NOTCH2: variants seen among roughly 807,000 people sequenced by gnomAD.
The protein encoded by NOTCH2 is neurogenic locus notch homolog protein 2.
Under a neutral mutation model 235.8 loss-of-function variants are expected in NOTCH2, and 29 were observed. The ratio of observed to expected loss-of-function variants is 0.12; its 90% CI spans 0.09 to 0.17. The LOEUF (loss-of-function observed/expected upper bound fraction) is 0.17. Ranked by LOEUF, NOTCH2 falls within the 10% of genes least tolerant of loss-of-function variation. The pLI is 1.00. For missense variants in NOTCH2, 2,285 were observed against 3,150.2 expected (o/e 0.73, Z 6.57); for synonymous variants, 1,086 against 1,141.5 (o/e 0.95, Z 0.98).
chr1:119,988,528 T>C (rs1396282723), intron 4 of NOTCH2, among the ~76,000 whole-genome samples: 2 of 152,040 alleles, frequency 1.3e-5, no homozygotes, highest in Non-Finnish European at 2.9e-5. Context: ...GAAATATGAG[T>C]CTTACAAATA....
intron 2 of NOTCH2, among the ~76,000 whole-genome samples, chr1:120,011,649 T>C (rs587771679): frequency 3.3e-4 from 50 of 152,222 alleles, no homozygotes; most frequent in Non-Finnish European, 6.6e-4. Context: ...TATTGTCTCT[T>C]GTATTACTCG....
intron 21 of NOTCH2, 55 bp downstream of exon 21, chr1:119,937,223 TCAAA>T: frequency 2.9e-5 from 45 of 1,542,420 alleles, no homozygotes; most frequent in Non-Finnish European, 3.9e-5. Flanking sequence ...ATATCAGTGC[TCAAA>T]CAGTTGTACA....
chr1:119,997,412 C>T lies in NOTCH2; in HGVS notation c.416-80G>A, dbSNP rs587637636. The T allele has an allele frequency of 1.7e-4, 220 of 1,283,576 alleles. 1 individual carries two copies. The East Asian group carries it at 1.8e-3, about 11-fold the overall frequency. 79.5% of individuals were successfully genotyped at this position (1,283,576 alleles called of 1,614,324 possible). A position where few individuals can be genotyped will look rare whatever the true frequency, so the allele number is the denominator to read the frequency against. On this transcript the variant is annotated intron_variant, in intron 3 of 33. Transcript: ENST00000256646. ...ATCCTCAATACCTCATTGACATCAG[C>T]GAGCTCTTGCGTGGAGAAGACCTCA...
rs761189725 is a variant in NOTCH2, at chr1:119,918,530, A to G, written c.5805T>C (p.Thr1935=). The change falls in exon 32 of 34, where the codon ACT becomes ACC. Residue 1935 remains threonine, a synonymous_variant. Coordinates refer to ENST00000256646, the MANE Select transcript of NOTCH2 (RefSeq NM_024408.4). ...VFQILIRNRV[T]DLDARMNDGT... ...CATCATTCATCCTGGCATCTAGATC[A>G]GTTACTCGGTTGCGAATCAGAATCT... 1 of 1,614,158 alleles carries G rather than the reference A, an allele frequency of 6.2e-7. No individual in the cohort carries two copies. The highest frequency in any genetic ancestry group is 2.2e-5 in the East Asian group (1 of 44,880).
intron 1 of NOTCH2, among the ~76,000 whole-genome samples, chr1:120,062,611 T>C (rs1460423214): frequency 1.1e-5 from 1 of 89,616 alleles, no homozygotes; most frequent in Non-Finnish European, 2.0e-5. Context: ...TGATGTCAGC[T>C]CCTTGGGAGC....
intron 22 of NOTCH2, among the ~76,000 whole-genome samples, chr1:119,931,504 A>G (rs1332739461): frequency 6.6e-6 from 1 of 152,178 alleles, no homozygotes; most frequent in African/African-American, 2.4e-5. Flanking sequence ...ATGTGAAAAA[A>G]AATAACCAGG....
At chr1:120,023,950 T>C (rs1244128364) in intron 2 of NOTCH2, among the ~76,000 whole-genome samples, 3 of 152,096 alleles carry the variant, frequency 2.0e-5, no homozygotes, top group Non-Finnish European at 4.4e-5. Context: ...TACTCATAAA[T>C]AGCATGCAAT....
chr1:120,010,809 C>T (rs1553206835), intron 2 of NOTCH2, among the ~76,000 whole-genome samples: 3 of 152,140 alleles, frequency 2.0e-5, no homozygotes, highest in African/African-American at 7.2e-5. Flanking sequence ...AAAACATATG[C>T]CCAGATAATA....
intron 2 of NOTCH2, among the ~76,000 whole-genome samples, chr1:120,011,476 T>C (rs61787048): frequency 5.9e-5 from 9 of 152,354 alleles, no homozygotes; most frequent in East Asian, 1.9e-4. Flanking sequence ...TATTTCCAGG[T>C]TTCTTCACCT....
At chr1:119,985,732 C>T (rs1289265540) in intron 5 of NOTCH2, among the ~76,000 whole-genome samples, 10 of 152,026 alleles carry the variant, frequency 6.6e-5, no homozygotes, top group African/African-American at 2.4e-4. Context: ...ATTAACTTTA[C>T]AGTAATTTTT....
chr1:119,913,356 C>A lies in NOTCH2; in HGVS notation c.*1950G>T, dbSNP rs1648954591. ...CACGCAGGGTTTCCATATGGGGCCA[C>A]CGACAGACAAATCAGGTAAGTGGGA... On this transcript the variant is annotated 3_prime_UTR_variant, in exon 34 of 34. Transcript: ENST00000256646. 1 of 233,074 alleles carries A rather than the reference C, an allele frequency of 4.3e-6. No homozygotes were observed. The highest frequency in any genetic ancestry group is 8.5e-6 in the Non-Finnish European group (1 of 118,060). 14.4% of individuals were successfully genotyped at this position (233,074 alleles called of 1,614,324 possible). A position where few individuals can be genotyped will look rare whatever the true frequency, so the allele number is the denominator to read the frequency against.
intron 12 of NOTCH2, among the ~76,000 whole-genome samples, chr1:119,958,081 C>T (rs1650777926): frequency 6.6e-6 from 1 of 152,142 alleles, no homozygotes; most frequent in African/African-American, 2.4e-5. Context: ...ATTAGTTCTT[C>T]ATAAATGTTA....
chr1:119,922,371 A>G lies in NOTCH2; in HGVS notation c.5078T>C (p.Ile1693Thr). Residue 1693 changes from isoleucine (I) to threonine (T), a missense_variant, in exon 28 of 34, where the codon ATT (isoleucine) becomes ACT (threonine). Ile to Thr is a moderately conservative substitution (Grantham distance 89, BLOSUM62 -1). Around this residue, in one of 6 missense-constraint regions of NOTCH2, gnomAD observed 1,173 missense variants for 1,515.3 expected, o/e 0.77. Transcript: ENST00000256646. ...TTTTGCCATGATTACCCCCAGCAGA[A>G]TAATAAACAGAATGATGACAACAGC... is the stretch of plus-strand genomic sequence containing the variant. The part of the protein sequence containing the change: ...AVAVVIILFI[I>T]LLGVIMAKRK... 1 of 1,614,204 alleles carries G rather than the reference A, an allele frequency of 6.2e-7. No homozygotes were observed. The highest frequency in any genetic ancestry group is 8.5e-7 in the Non-Finnish European group (1 of 1,180,026).
chr1:119,911,757 A>G lies in NOTCH2; in HGVS notation c.*3549T>C. The G allele has an allele frequency of 4.3e-6, 1 of 233,298 alleles. No homozygotes were observed. Among genetic ancestry groups the G allele is most frequent in the Non-Finnish European group, 8.5e-6 (1 of 118,048 alleles). The allele number at this position is 233,298 out of a possible 1,614,324, so 14.5% of individuals were successfully genotyped here. A position where few individuals can be genotyped will look rare whatever the true frequency, so the allele number is the denominator to read the frequency against. Reference sequence around the variant, plus strand: ...CCAGTTCCCAATTCTTGCTATAGCAACTACTTCGCATTTCCATTGGAAGGC... The same window carrying G: ...CCAGTTCCCAATTCTTGCTATAGCAGCTACTTCGCATTTCCATTGGAAGGC... On this transcript the variant is annotated 3_prime_UTR_variant, in exon 34 of 34. Coordinates refer to ENST00000256646, the MANE Select transcript of NOTCH2 (RefSeq NM_024408.4).
chr1:119,934,484 T>A (rs1408911569), intron 22 of NOTCH2, among the ~76,000 whole-genome samples: 1 of 152,180 alleles, frequency 6.6e-6, no homozygotes, highest in Non-Finnish European at 1.5e-5. Flanking sequence ...ATTTCTAGAA[T>A]AAAGAACAAT....
chr1:120,003,980 A>G (rs1336844762), intron 3 of NOTCH2, among the ~76,000 whole-genome samples: 2 of 152,186 alleles, frequency 1.3e-5, no homozygotes, highest in East Asian at 3.9e-4. Context: ...GGCTGTAGAG[A>G]GCTATGGAAG....
intron 2 of NOTCH2, among the ~76,000 whole-genome samples, chr1:120,026,920 C>T: frequency 8.0e-6 from 1 of 124,886 alleles, no homozygotes; most frequent in Non-Finnish European, 1.7e-5. Context: ...TAACAAGTAG[C>T]CAGGGACAGA....
chr1:119,926,159 C>A lies in NOTCH2; in HGVS notation c.4005+340G>T, dbSNP rs1161777449. 3.3e-5 allele frequency among the ~76,000 whole-genome samples: 5 copies of A among 152,230 alleles called. No homozygotes were observed. In the East Asian group the frequency reaches 9.6e-4, roughly 29 times the overall value. ...CCAATCTGGGCAGTGAGATTACCCT[C>A]CAGCCTGGGGCCAAGAAGCCCCACA... is the stretch of plus-strand genomic sequence containing the variant. On this transcript the variant is annotated intron_variant, in intron 24 of 33. Transcript: ENST00000256646.
chr1:119,920,763 T>A (rs1649258891), intron 29 of NOTCH2, among the ~76,000 whole-genome samples: 1 of 152,236 alleles, frequency 6.6e-6, no homozygotes. Context: ...GATCATGTGT[T>A]AAATGCTTAC....
Sources: gnomAD v4.1 joint callset for allele counts (sites outside exome capture counted in the v4.1 genomes callset) on GRCh38, gnomAD v4.1.1 for gene constraint, gnomAD v4.1.1 regional missense constraint, MANE v1.5 for transcripts, NCBI Gene and HGNC (gene_info 2026-07-23, HGNC 2026-07-21) for gene names.